The following ROBO2 variants were observed in gnomAD, a reference collection of about 807,000 sequenced individuals.
ROBO2 encodes the protein roundabout guidance receptor 2.
ROBO2 carries 53 observed loss-of-function variants against 160.8 expected under a neutral mutation model. That is an observed-to-expected ratio of 0.33 (90% CI 0.26 to 0.41). The LOEUF (loss-of-function observed/expected upper bound fraction) is 0.41, where lower values mean the gene tolerates loss of function less well. Ranked by LOEUF, ROBO2 falls within the 10% of genes least tolerant of loss-of-function variation. ROBO2 has a pLI of 1.00. For missense variants in ROBO2, 1,577 were observed against 1,722.4 expected, an observed-to-expected ratio of 0.92 and a Z score of 1.49; for synonymous variants, 664 against 611.7, an observed-to-expected ratio of 1.09 and a Z score of -1.26.
chr3:77,177,506 A>G (rs1268445746), intron 2 of ROBO2, among the ~76,000 whole-genome samples: 5 of 151,982 alleles, frequency 3.3e-5, no homozygotes, highest in Admixed American at 3.3e-4. Context: ...AATTATTTCT[A>G]AATCACTTAT....
chr3:76,173,205 AAT>A (rs1193596686), intron 2 of ROBO2, among the ~76,000 whole-genome samples: 1 of 140,640 alleles, frequency 7.1e-6, no homozygotes, highest in Non-Finnish European at 1.5e-5. Flanking sequence ...ATTTAATGGT[AAT>A]ATATATGTGT....
rs1406878086 is a variant in ROBO2, at chr3:76,141,149, CTCTCTCTCTCTATATA to C, written c.109+203549_109+203564del. Among the ~76,000 whole-genome samples the C allele has an allele frequency of 1.2e-4, 6 of 51,172 alleles. No individual in the cohort carries two copies. In the East Asian group the frequency reaches 2.8e-3, roughly 24 times the overall value. The allele number at this position is 51,172 out of a possible 152,430, so 33.6% of individuals were successfully genotyped here. ...TCTCTCTCTCTCTCTCTCTCTCTCT[CTCTCTCTCTCTATATA>C]TATATATATATATATATATATATTT... On this transcript the variant is annotated intron_variant, in intron 2 of 26. Coordinates refer to the ROBO2 transcript ENST00000487694.
intron 2 of ROBO2, among the ~76,000 whole-genome samples, chr3:76,722,283 G>C (rs1269969628): frequency 6.6e-6 from 1 of 152,002 alleles, no homozygotes; most frequent in African/African-American, 2.4e-5. Flanking sequence ...ACCCACGCCT[G>C]GCTAATTTTT....
upstream of ROBO2, among the ~76,000 whole-genome samples, chr3:77,037,341 G>A (rs916859027): frequency 5.3e-5 from 8 of 152,058 alleles, no homozygotes; most frequent in African/African-American, 1.9e-4. Context: ...ATTCCATAAG[G>A]TAGCTAGTGT....
Position 77,039,992 on chromosome 3 carries a change from T to A in ROBO2, c.-794T>A, listed in dbSNP as rs1405655122. 3 of 578,934 alleles carry A rather than the reference T, an allele frequency of 5.2e-6. 1 individual carries two copies. In the African/African-American group the frequency reaches 6.1e-5, roughly 12 times the overall value. 35.9% of individuals were successfully genotyped at this position (578,934 alleles called of 1,614,324 possible). A position where few individuals can be genotyped will look rare whatever the true frequency, so the allele number is the denominator to read the frequency against. ...TCTGCTCGCGCCCGCAGCCGCCTGG[T>A]GCACTATCCTCAGAGGCGGCACCGC... On this transcript the variant is annotated 5_prime_UTR_variant, in exon 1 of 26. Coordinates refer to ENST00000461745, the Ensembl canonical transcript of ROBO2.
At chr3:77,397,877 A>G (rs1425998609) in intron 2 of ROBO2, among the ~76,000 whole-genome samples, 2 of 152,110 alleles carry the variant, frequency 1.3e-5, no homozygotes, top group African/African-American at 2.4e-5. Flanking sequence ...TATTTACTAA[A>G]TATTAGTAAT....
chr3:77,469,355 C>G (rs558087701), intron 2 of ROBO2, among the ~76,000 whole-genome samples: 1 of 152,082 alleles, frequency 6.6e-6, no homozygotes, highest in African/African-American at 2.4e-5. Flanking sequence ...GTGGCTGCCA[C>G]CTATAGCCAT....
At chr3:76,381,099 C>A (rs2108553898) in intron 2 of ROBO2, among the ~76,000 whole-genome samples, 1 of 144,814 alleles carries the variant, frequency 6.9e-6, no homozygotes, top group Admixed American at 6.9e-5. Flanking sequence ...TTTAAAAAAA[C>A]AGACACAGAT....
chr3:75,984,672 T>C (rs947204034), intron 2 of ROBO2, among the ~76,000 whole-genome samples: 1 of 151,478 alleles, frequency 6.6e-6, no homozygotes, highest in Admixed American at 6.6e-5. Context: ...TATAAGTACA[T>C]GTATTCGCAC....
At chr3:77,619,775 C>T (rs1439619116) in intron 22 of ROBO2, among the ~76,000 whole-genome samples, 1 of 152,128 alleles carries the variant, frequency 6.6e-6, no homozygotes, top group Non-Finnish European at 1.5e-5. Context: ...AGACTTTTAT[C>T]CACAGGACAT....
chr3:75,997,291 T>C (rs2065756371), intron 2 of ROBO2, among the ~76,000 whole-genome samples: 1 of 152,180 alleles, frequency 6.6e-6, no homozygotes, highest in Non-Finnish European at 1.5e-5. Context: ...ATCAGCAATA[T>C]TGAGCAGCTA....
At chr3:76,834,390 G>C (rs1174912420) in intron 2 of ROBO2, among the ~76,000 whole-genome samples, 1 of 151,492 alleles carries the variant, frequency 6.6e-6, no homozygotes, top group Non-Finnish European at 1.5e-5. Context: ...TTTGAGATGA[G>C]GTCTCACTCT....
At chr3:77,136,878 G>A (rs550762776) in intron 2 of ROBO2, among the ~76,000 whole-genome samples, 153 of 152,036 alleles carry the variant, frequency 1.0e-3, no homozygotes, top group South Asian at 3.3e-3. Flanking sequence ...CTTGTGATCC[G>A]CCCGCCTCGG....
At chr3:76,007,917 A>G (rs2066071674) in intron 2 of ROBO2, among the ~76,000 whole-genome samples, 2 of 152,076 alleles carry the variant, frequency 1.3e-5, no homozygotes, top group Non-Finnish European at 2.9e-5. Flanking sequence ...AAAATTAGAA[A>G]GATACTGCAA....
At chr3:76,352,627 T>G (rs1288069161) in intron 2 of ROBO2, among the ~76,000 whole-genome samples, 1 of 151,918 alleles carries the variant, frequency 6.6e-6, no homozygotes, top group Non-Finnish European at 1.5e-5. Context: ...GACAAAAAAA[T>G]GGTCCCGAAA....
chr3:76,325,505 A>G (rs1471932290), intron 2 of ROBO2, among the ~76,000 whole-genome samples: 1 of 152,142 alleles, frequency 6.6e-6, no homozygotes, highest in Non-Finnish European at 1.5e-5. Flanking sequence ...GTCAGGTATC[A>G]GACCATACTT....
chr3:76,366,885 T>A (rs1350133886), intron 2 of ROBO2, among the ~76,000 whole-genome samples: 2 of 152,002 alleles, frequency 1.3e-5, no homozygotes, highest in East Asian at 1.9e-4. Flanking sequence ...TTCAGCATTT[T>A]TTCATTGCAT....
intron 2 of ROBO2, among the ~76,000 whole-genome samples, chr3:76,497,906 C>A (rs1332914110): frequency 1.3e-5 from 2 of 152,210 alleles, no homozygotes; most frequent in Non-Finnish European, 2.9e-5. Flanking sequence ...TGCTGGCCTG[C>A]CTTGCAGACC....
chr3:77,286,098 G>A (rs534339895), intron 2 of ROBO2, among the ~76,000 whole-genome samples: 70 of 152,164 alleles, frequency 4.6e-4, no homozygotes, highest in Non-Finnish European at 9.6e-4. Flanking sequence ...TATGCATATA[G>A]CAGTGTGTTT....
Sources: allele counts gnomAD v4.1 joint callset (sites outside exome capture counted in the v4.1 genomes callset), GRCh38; gene constraint gnomAD v4.1.1; transcripts MANE v1.5; gene names NCBI Gene and HGNC (gene_info 2026-07-23, HGNC 2026-07-21).